The following ARHGAP15 variants were observed in gnomAD, a reference collection of about 807,000 sequenced individuals.
ARHGAP15 encodes the protein Rho GTPase activating protein 15, also known as rho GTPase-activating protein 15.
A neutral mutation model predicts 63.7 loss-of-function variants in ARHGAP15; 51 were observed. That is an observed-to-expected ratio of 0.80 (90% confidence interval 0.64 to 1.01). The LOEUF is 1.01. Ranked by LOEUF, ARHGAP15 falls within the 50% of genes least tolerant of loss-of-function variation. ARHGAP15 has a pLI of 0.00. For missense variants in ARHGAP15, 560 were observed against 564.6 expected, an observed-to-expected ratio of 0.99 and a Z score of 0.08; for synonymous variants, 191 against 193.8, an observed-to-expected ratio of 0.99 and a Z score of 0.12.
intron 6 of ARHGAP15, among the ~76,000 whole-genome samples, chr2:143,299,571 C>T (rs1221479350): frequency 2.0e-5 from 3 of 151,940 alleles, no homozygotes; most frequent in African/African-American, 7.2e-5. Flanking sequence ...TGAAGTTTCA[C>T]CTTCTAGTCT....
chr2:143,730,892 T>TAAAA (rs1158246680), intron 13 of ARHGAP15, among the ~76,000 whole-genome samples: 28 of 84,030 alleles, frequency 3.3e-4, no homozygotes, highest in South Asian at 9.8e-4. Context: ...AGCACTCCTT[T>TAAAA]AAAAAAAAAA....
At chr2:143,762,290 G>C (rs147353461) in intron 13 of ARHGAP15, among the ~76,000 whole-genome samples, 2 of 152,252 alleles carry the variant, frequency 1.3e-5, no homozygotes, top group East Asian at 3.9e-4. Flanking sequence ...TCAACCACGT[G>C]TTTTCCTTAC....
At chr2:143,767,252 T>C (rs1009591500) in intron 13 of ARHGAP15, among the ~76,000 whole-genome samples, 1 of 152,122 alleles carries the variant, frequency 6.6e-6, no homozygotes, top group African/African-American at 2.4e-5. Flanking sequence ...TTTTTAGGAG[T>C]CCTGTGTTGG....
chr2:143,365,558 C>T (rs1686258544), intron 6 of ARHGAP15, among the ~76,000 whole-genome samples: 2 of 152,204 alleles, frequency 1.3e-5, no homozygotes, highest in Non-Finnish European at 1.5e-5. Context: ...CTAGCACCAA[C>T]CATCACCTCC....
At chr2:143,516,875 T>C (rs1041705224) in intron 9 of ARHGAP15, among the ~76,000 whole-genome samples, 5 of 152,214 alleles carry the variant, frequency 3.3e-5, no homozygotes, top group African/African-American at 1.2e-4. Context: ...ACTATGTCCA[T>C]GTGTTTTGAG....
chr2:143,290,356 G>GGT (rs1682327981), intron 6 of ARHGAP15, among the ~76,000 whole-genome samples: 1 of 151,786 alleles, frequency 6.6e-6, no homozygotes, highest in Non-Finnish European at 1.5e-5. Flanking sequence ...ATAAAGTGGT[G>GGT]GTGTTTAAGG....
At chr2:143,614,536 C>G (rs1698385281) in intron 11 of ARHGAP15, among the ~76,000 whole-genome samples, 1 of 152,116 alleles carries the variant, frequency 6.6e-6, no homozygotes, top group South Asian at 2.1e-4. Context: ...ATACATATAT[C>G]TATTGTCATC....
chr2:143,203,430 C>A (rs1377255370), intron 3 of ARHGAP15, among the ~76,000 whole-genome samples: 1 of 152,058 alleles, frequency 6.6e-6, no homozygotes, highest in Admixed American at 6.6e-5. Context: ...GTTGTTAAAT[C>A]CATCAGTAAC....
At chr2:143,641,641 TA>T (rs760187143) in intron 12 of ARHGAP15, among the ~76,000 whole-genome samples, 7 of 152,116 alleles carry the variant, frequency 4.6e-5, no homozygotes, top group Non-Finnish European at 8.8e-5. Flanking sequence ...TTTCACACAG[TA>T]AAGTATGCTA....
At chr2:143,220,241 G>T in intron 4 of ARHGAP15, among the ~76,000 whole-genome samples, 1 of 151,644 alleles carries the variant, frequency 6.6e-6, no homozygotes, top group Non-Finnish European at 1.5e-5. Context: ...TCTGTTTTTT[G>T]AGACAGGATC....
intron 6 of ARHGAP15, among the ~76,000 whole-genome samples, chr2:143,410,007 A>G (rs953843305): frequency 6.6e-6 from 1 of 152,150 alleles, no homozygotes; most frequent in African/African-American, 2.4e-5. Context: ...TTTCACTTTT[A>G]TAGTTTTTGA....
intron 6 of ARHGAP15, among the ~76,000 whole-genome samples, chr2:143,369,781 T>C (rs371102030): frequency 1.3e-4 from 20 of 152,164 alleles, no homozygotes; most frequent in South Asian, 1.0e-3. Flanking sequence ...ATACAACAAC[T>C]TTTCAGAGAA....
intron 6 of ARHGAP15, among the ~76,000 whole-genome samples, chr2:143,266,660 G>C (rs190169976): frequency 1.3e-5 from 2 of 152,124 alleles, no homozygotes; most frequent in Admixed American, 6.5e-5. Context: ...GAGACAGAGA[G>C]ATAGAGTTCT....
chr2:143,443,428 AC>A (rs67465435), intron 8 of ARHGAP15, among the ~76,000 whole-genome samples: 130,327 of 148,908 alleles, frequency 0.88, 57,500 homozygotes, highest in Middle Eastern at 0.97. Flanking sequence ...AGGGTCACTC[AC>A]CCTTTTTTTT....
intron 13 of ARHGAP15, among the ~76,000 whole-genome samples, chr2:143,711,241 G>T (rs955507768): frequency 6.6e-6 from 1 of 152,198 alleles, no homozygotes; most frequent in Non-Finnish European, 1.5e-5. Flanking sequence ...GCATAAAGAG[G>T]ATTCCTACCC....
At chr2:143,328,770 C>T (rs779410566) in intron 6 of ARHGAP15, among the ~76,000 whole-genome samples, 12 of 152,118 alleles carry the variant, frequency 7.9e-5, no homozygotes, top group South Asian at 2.1e-4. Context: ...TACTTCATAG[C>T]ACAACCAGCT....
chr2:143,508,832 A>T (rs1049067880), intron 9 of ARHGAP15, among the ~76,000 whole-genome samples: 6 of 152,170 alleles, frequency 3.9e-5, no homozygotes, highest in Non-Finnish European at 8.8e-5. Flanking sequence ...AATTAGATTG[A>T]CATCTATTTC....
At chr2:143,320,410 C>CCCG (rs1683958360) in intron 6 of ARHGAP15, among the ~76,000 whole-genome samples, 2 of 19,020 alleles carry the variant, frequency 1.1e-4, no homozygotes, top group African/African-American at 3.3e-4. Flanking sequence ...ACTTCCCCAC[C>CCCG]CCCCCCCCCC....
chr2:143,624,802 T>C (rs968378747), intron 12 of ARHGAP15, among the ~76,000 whole-genome samples: 5 of 152,196 alleles, frequency 3.3e-5, no homozygotes. Flanking sequence ...AATGAAGTAA[T>C]GGCAAGTTTC....
Sources: gnomAD v4.1 joint callset for allele counts (sites outside exome capture counted in the v4.1 genomes callset) on GRCh38, gnomAD v4.1.1 for gene constraint, MANE v1.5 for transcripts, NCBI Gene and HGNC (gene_info 2026-07-23, HGNC 2026-07-21) for gene names.